The following ANK2 variants were observed in gnomAD, a reference collection of about 807,000 sequenced individuals.
The protein encoded by ANK2 is ankyrin 2, also known as ankyrin-2.
In ANK2, 83 loss-of-function variants were observed where a neutral mutation model predicts 360.5. That is an observed-to-expected ratio of 0.23 (90% CI 0.19 to 0.28). The LOEUF is 0.28. Ranked by LOEUF, ANK2 falls within the 10% of genes least tolerant of loss-of-function variation. The pLI, the probability that ANK2 is intolerant of heterozygous loss-of-function variation, is 1.00. For missense variants in ANK2, 4,201 were observed against 4,795.7 expected (o/e 0.88, Z 3.66); for synonymous variants, 1,740 against 1,759.5 (o/e 0.99, Z 0.28).
chr4:112,899,216 T>C (rs945427104), intron 1 of ANK2, among the ~76,000 whole-genome samples: 2 of 152,206 alleles, frequency 1.3e-5, no homozygotes, highest in Non-Finnish European at 2.9e-5. Context: ...AGTAACTTCT[T>C]TAACAGAATA....
the ANK2 span, among the ~76,000 whole-genome samples, chr4:112,743,509 C>T: frequency 6.9e-6 from 1 of 144,096 alleles, no homozygotes. Flanking sequence ...TTCCTTCCTT[C>T]CTTCCTTCCT....
the ANK2 span, among the ~76,000 whole-genome samples, chr4:112,794,577 T>A: frequency 6.6e-6 from 1 of 152,228 alleles, no homozygotes; most frequent in African/African-American, 2.4e-5. Flanking sequence ...GCTTAGTGAT[T>A]TTCAGGCATC....
At chr4:112,850,209 G>A (rs958320034) in intron 1 of ANK2, among the ~76,000 whole-genome samples, 9 of 151,450 alleles carry the variant, frequency 5.9e-5, no homozygotes, top group African/African-American at 1.9e-4. Flanking sequence ...GGGACTTCTC[G>A]AACTCTATAA....
intron 1 of ANK2, among the ~76,000 whole-genome samples, chr4:113,110,124 A>G (rs543950680): frequency 2.0e-5 from 3 of 152,332 alleles, no homozygotes; most frequent in African/African-American, 4.8e-5. Context: ...ATGGACTCAC[A>G]GTTCCAAATA....
At chr4:112,778,263 C>T in the ANK2 span, among the ~76,000 whole-genome samples, 1 of 152,004 alleles carries the variant, frequency 6.6e-6, no homozygotes, top group African/African-American at 2.4e-5. Context: ...AGCCACCACA[C>T]CTGGCCAATC....
At chr4:112,825,782 C>T (rs1162916565) in intron 1 of ANK2, among the ~76,000 whole-genome samples, 2 of 152,084 alleles carry the variant, frequency 1.3e-5, no homozygotes, top group Non-Finnish European at 2.9e-5. Context: ...GAAGAGTAGA[C>T]AGTTGTGGAA....
intron 1 of ANK2, among the ~76,000 whole-genome samples, chr4:113,102,817 C>A (rs1481339862): frequency 6.6e-6 from 1 of 152,068 alleles, no homozygotes; most frequent in African/African-American, 2.4e-5. Context: ...TTCTAGATAT[C>A]CTCCTCTTTA....
In ANK2 at chr4:113,331,969, C is replaced by T; in HGVS notation, c.3126-3C>T. The T allele has an allele frequency of 6.2e-7, 1 of 1,612,484 alleles. No homozygotes were observed. Among genetic ancestry groups the T allele is most frequent in the Non-Finnish European group, 8.5e-7 (1 of 1,178,630 alleles). ...CTTTCACTGCTGCTTTGGATGTACT[C>T]AGTAAACTTCACCTGCCAACGGCTC... is the stretch of plus-strand genomic sequence containing the variant. On this transcript the variant is annotated splice_region_variant and splice_polypyrimidine_tract_variant and intron_variant, in intron 27 of 45. Transcript: ENST00000357077.
chr4:113,374,998 G>T, intron 45 of ANK2: 1 of 982,486 alleles, frequency 1.0e-6, no homozygotes, highest in Non-Finnish European at 1.2e-6. Context: ...ATGTTGCTTT[G>T]CATTTGAAAA....
rs1564275796 is a variant in ANK2, at chr4:113,383,452, T to C, written c.*1981T>C. 1 of 152,666 alleles carries C rather than the reference T, an allele frequency of 6.6e-6. No individual in the cohort carries two copies. The highest frequency in any genetic ancestry group is 1.5e-5 in the Non-Finnish European group (1 of 68,044). 9.5% of individuals were successfully genotyped at this position (152,666 alleles called of 1,614,324 possible). A position where few individuals can be genotyped will look rare whatever the true frequency, so the allele number is the denominator to read the frequency against. ...CTGGAGCTCAAGAAAAGCATTTCTGTTGTGTTATTTGCAGTGCAGATGATG... is the reference window on the plus strand; with the variant it reads ...CTGGAGCTCAAGAAAAGCATTTCTGCTGTGTTATTTGCAGTGCAGATGATG... On this transcript the variant is annotated 3_prime_UTR_variant, in exon 46 of 46. Coordinates refer to ENST00000357077, the MANE Select transcript of ANK2 (RefSeq NM_001148.6).
intron 1 of ANK2, among the ~76,000 whole-genome samples, chr4:112,828,513 G>C (rs1303152666): frequency 6.6e-6 from 1 of 152,130 alleles, no homozygotes. Flanking sequence ...GATTACAGGC[G>C]TGAGCCACCG....
At chr4:113,229,814 C>T (rs976903911) in intron 4 of ANK2, among the ~76,000 whole-genome samples, 1 of 152,352 alleles carries the variant, frequency 6.6e-6, no homozygotes, top group East Asian at 1.9e-4. Flanking sequence ...TGGTACATCT[C>T]CTTTCTCCTG....
intron 1 of ANK2, among the ~76,000 whole-genome samples, chr4:113,053,530 G>T (rs2068114664): frequency 6.6e-6 from 1 of 152,122 alleles, no homozygotes; most frequent in Admixed American, 6.5e-5. Flanking sequence ...AGCATTGGTA[G>T]CTATGTGAAA....
chr4:112,840,121 C>T (rs554579904), intron 1 of ANK2, among the ~76,000 whole-genome samples: 1 of 152,274 alleles, frequency 6.6e-6, no homozygotes, highest in Non-Finnish European at 1.5e-5. Flanking sequence ...TAACAGCAGG[C>T]TTTAGATCAA....
At position 113,073,793 on chromosome 4, in the gene ANK2, A is replaced by G. The variant is rs530471219; in HGVS notation, c.84+23981A>G. On this transcript the variant is annotated intron_variant, in intron 1 of 45. Transcript: ENST00000357077. ...CCACGCCACGGAAACACCTCATCCA[A>G]TGGTGCCCAGGCCGCCTCTACGCAG... Among the ~76,000 whole-genome samples, 7 of 152,286 alleles carry G rather than the reference A, an allele frequency of 4.6e-5. No individual in the cohort carries two copies. In the South Asian group the frequency reaches 1.2e-3, roughly 27 times the overall value.
intron 2 of ANK2, among the ~76,000 whole-genome samples, chr4:112,961,301 A>G (rs1293360461): frequency 6.6e-6 from 1 of 152,150 alleles, no homozygotes; most frequent in Non-Finnish European, 1.5e-5. Flanking sequence ...TACTCTCATT[A>G]TAGGTAGGAA....
Position 113,039,741 on chromosome 4 carries a change from A to T in ANK2, c.22-134675A>T, listed in dbSNP as rs2062486362. The stretch of plus-strand genomic sequence containing the variant: ...AGGTAACATAGCCTAGGGGGTTCCA[A>T]TTTTCTTACTTACTGAGAGGTAGGA... On this transcript the variant is annotated intron_variant, in intron 2 of 30. Coordinates refer to the ANK2 transcript ENST00000503271. Among the ~76,000 whole-genome samples, 3 of 151,912 alleles carry T rather than the reference A, an allele frequency of 2.0e-5. No individual in the cohort carries two copies. In the South Asian group the frequency reaches 6.2e-4, roughly 32 times the overall value.
intron 4 of ANK2, among the ~76,000 whole-genome samples, chr4:113,227,202 C>T (rs567903324): frequency 2.0e-5 from 3 of 152,232 alleles, no homozygotes; most frequent in African/African-American, 7.2e-5. Flanking sequence ...AGAATAATTT[C>T]CACATTTTAA....
chr4:112,809,806 G>A, the ANK2 span, among the ~76,000 whole-genome samples: 1 of 148,980 alleles, frequency 6.7e-6, no homozygotes, highest in African/African-American at 2.5e-5. Context: ...CTGCACTCCA[G>A]CCTGGGTGAG....
Sources: gnomAD v4.1 joint callset for allele counts (sites outside exome capture counted in the v4.1 genomes callset) on GRCh38, gnomAD v4.1.1 for gene constraint, MANE v1.5 for transcripts, NCBI Gene and HGNC (gene_info 2026-07-23, HGNC 2026-07-21) for gene names.